Variants in SLC44A5 observed in about 807,000 individuals in gnomAD.
SLC44A5 encodes solute carrier family 44 member 5.
SLC44A5 carries 57 observed loss-of-function variants against 101.8 expected under a neutral mutation model. The observed-to-expected ratio is 0.56, with a 90% CI of 0.45 to 0.70. SLC44A5 has a LOEUF of 0.70. Among genes scored for constraint, SLC44A5 ranks in the 30% least tolerant of loss-of-function variants. The probability of loss-of-function intolerance (pLI) is 0.00; values close to 1 mark genes in which losing one functional copy is unlikely to be tolerated. For missense variants in SLC44A5, 737 were observed against 853.1 expected (o/e 0.86, Z 1.70); for synonymous variants, 281 against 290.9 (o/e 0.97, Z 0.35).
chr1:75,619,248 G>T, the SLC44A5 span, among the ~76,000 whole-genome samples: 1 of 151,138 alleles, frequency 6.6e-6, no homozygotes, highest in African/African-American at 2.4e-5. Context: ...AGGGAGGAAG[G>T]GAGGAAGGAA....
intron 1 of SLC44A5, among the ~76,000 whole-genome samples, chr1:75,587,944 C>T (rs969694265): frequency 6.6e-6 from 1 of 152,128 alleles, no homozygotes; most frequent in African/African-American, 2.4e-5. Flanking sequence ...CTGTGAAAAA[C>T]GTGTTGACCA....
At chr1:75,266,254 A>G (rs75859573) in intron 6 of SLC44A5, among the ~76,000 whole-genome samples, 2,894 of 151,714 alleles carry the variant, frequency 0.019, 82 homozygotes, top group African/African-American at 0.067. Context: ...AAGTTTCCCC[A>G]TTTTAGAGCT....
In SLC44A5 at chr1:75,396,593, T is replaced by C; in HGVS notation, c.42A>G (p.Glu14=). 6.2e-7 allele frequency: 1 copy of C among 1,612,672 alleles called. No individual in the cohort carries two copies. The highest frequency in any genetic ancestry group is 8.5e-7 in the Non-Finnish European group (1 of 1,179,152). Residue 14 remains glutamate, a synonymous_variant, in exon 3 of 24, where the codon GAA becomes GAG. Transcript: ENST00000370859. The part of the protein sequence containing the change: ...TEKPADTPSE[E]EDFGDPRTYD... ...CAGACTATGACTTACCAAAGTCCTCTTCCTCAGAGGGAGTATCTGCTGGTT... is the reference window on the plus strand; with the variant it reads ...CAGACTATGACTTACCAAAGTCCTCCTCCTCAGAGGGAGTATCTGCTGGTT...
intron 3 of SLC44A5, among the ~76,000 whole-genome samples, chr1:75,357,858 C>A (rs140205128): frequency 2.4e-4 from 37 of 152,252 alleles, no homozygotes; most frequent in Non-Finnish European, 4.3e-4. Flanking sequence ...AAAAGATAAG[C>A]ATGCGTCAAA....
chr1:75,414,537 C>G (rs1256698057), intron 2 of SLC44A5, among the ~76,000 whole-genome samples: 3 of 151,246 alleles, frequency 2.0e-5, no homozygotes, highest in Admixed American at 1.3e-4. Context: ...AGGACATAAC[C>G]AACTATTTAT....
the SLC44A5 span, among the ~76,000 whole-genome samples, chr1:75,654,459 C>G: frequency 1.2e-3 from 181 of 152,218 alleles, 1 homozygote; most frequent in African/African-American, 4.1e-3. Context: ...TCAAGCACAA[C>G]CCTGGATGAT....
chr1:75,660,834 T>C, the SLC44A5 span, among the ~76,000 whole-genome samples: 3 of 152,150 alleles, frequency 2.0e-5, no homozygotes, highest in East Asian at 5.8e-4. Context: ...AATGGAAAAA[T>C]ATCTCATGCT....
At chr1:75,214,281 C>G (rs543144906) in intron 20 of SLC44A5, among the ~76,000 whole-genome samples, 1 of 151,948 alleles carries the variant, frequency 6.6e-6, no homozygotes, top group East Asian at 1.9e-4. Flanking sequence ...GTATTGTTCT[C>G]TGATTTTGTT....
chr1:75,373,491 G>T (rs1209737195), intron 3 of SLC44A5, among the ~76,000 whole-genome samples: 2 of 152,306 alleles, frequency 1.3e-5, no homozygotes, highest in Admixed American at 1.3e-4. Flanking sequence ...GATTGAACCT[G>T]CATAGAACCC....
intron 2 of SLC44A5, among the ~76,000 whole-genome samples, chr1:75,409,101 C>T (rs1403512803): frequency 1.3e-5 from 2 of 152,158 alleles, no homozygotes; most frequent in African/African-American, 4.8e-5. Context: ...CAAAATACCA[C>T]ATCTTCGCTT....
At chr1:75,332,123 T>C (rs1657104752) in intron 4 of SLC44A5, among the ~76,000 whole-genome samples, 1 of 152,208 alleles carries the variant, frequency 6.6e-6, no homozygotes, top group African/African-American at 2.4e-5. Flanking sequence ...TGCCCATGAA[T>C]GCACATAAAA....
chr1:75,270,773 A>G (rs1645736355), intron 6 of SLC44A5, among the ~76,000 whole-genome samples: 2 of 152,136 alleles, frequency 1.3e-5, no homozygotes, highest in Admixed American at 6.6e-5. Context: ...AGTTTCCAAT[A>G]TATTATTATT....
At chr1:75,449,176 G>A (rs1342907755) in intron 2 of SLC44A5, among the ~76,000 whole-genome samples, 7 of 152,120 alleles carry the variant, frequency 4.6e-5, no homozygotes, top group African/African-American at 1.7e-4. Context: ...TGTCAGTGTT[G>A]GTAATGATAC....
intron 23 of SLC44A5, among the ~76,000 whole-genome samples, chr1:75,211,145 G>T (rs964657391): frequency 1.3e-5 from 2 of 152,118 alleles, no homozygotes; most frequent in African/African-American, 2.4e-5. Context: ...CTGAAAGTTT[G>T]TACCCTTTGA....
At chr1:75,596,116 CT>C (rs1439229403) in intron 1 of SLC44A5, among the ~76,000 whole-genome samples, 3 of 151,870 alleles carry the variant, frequency 2.0e-5, no homozygotes, top group African/African-American at 7.3e-5. Flanking sequence ...TTTTCTTTTT[CT>C]TTCATGGGCC....
the SLC44A5 span, among the ~76,000 whole-genome samples, chr1:75,626,572 T>C: frequency 6.6e-6 from 1 of 152,138 alleles, no homozygotes; most frequent in Admixed American, 6.6e-5. Flanking sequence ...ATATATAATT[T>C]TTGATGAATT....
At chr1:75,385,513 A>T (rs971434119) in intron 3 of SLC44A5, among the ~76,000 whole-genome samples, 3 of 152,172 alleles carry the variant, frequency 2.0e-5, no homozygotes, top group Admixed American at 6.6e-5. Flanking sequence ...ACCAGGAAGA[A>T]GTTGAATCTC....
chr1:75,206,575 C>CTT (rs750957582), intron 23 of SLC44A5: 1 of 1,363,100 alleles, frequency 7.3e-7, no homozygotes, highest in Non-Finnish European at 1.0e-6. Flanking sequence ...ACAACTTCTA[C>CTT]TTAAAAATGA....
chr1:75,507,738 G>A lies in SLC44A5; in HGVS notation c.13+33697C>T, dbSNP rs191466158. Among the ~76,000 whole-genome samples the A allele has an allele frequency of 3.9e-5, 6 of 152,144 alleles. No homozygotes were observed. In the East Asian group the frequency reaches 1.2e-3, roughly 29 times the overall value. On this transcript the variant is annotated intron_variant, in intron 2 of 23. Transcript: ENST00000370859. ...TGATTCCATTTCAGAACTCAATATTGGTTTGTTCAAGGTATCACATTTGTC... is the reference window on the plus strand; with the variant it reads ...TGATTCCATTTCAGAACTCAATATTAGTTTGTTCAAGGTATCACATTTGTC...
Sources: gnomAD v4.1 joint callset for allele counts (sites outside exome capture counted in the v4.1 genomes callset) on GRCh38, gnomAD v4.1.1 for gene constraint, MANE v1.5 for transcripts, NCBI Gene and HGNC (gene_info 2026-07-23, HGNC 2026-07-21) for gene names.